Variants in GDAP2 observed in about 807,000 individuals in gnomAD.
GDAP2 encodes ganglioside-induced differentiation-associated protein 2.
A neutral mutation model predicts 67.0 loss-of-function variants in GDAP2; 51 were observed. The observed-to-expected ratio is 0.76, with a 90% CI of 0.61 to 0.96. The LOEUF is 0.96. Among genes scored for constraint, GDAP2 ranks in the 40% least tolerant of loss-of-function variants. The pLI, the probability that GDAP2 is intolerant of heterozygous loss-of-function variation, is 0.00. For synonymous variants in GDAP2, 203 were observed against 207.3 expected (o/e 0.98, Z 0.18); for missense variants, 547 against 588.3 (o/e 0.93, Z 0.73).
intron 8 of GDAP2, among the ~76,000 whole-genome samples, chr1:117,888,344 A>C (rs1192584465): frequency 6.6e-6 from 1 of 152,180 alleles, no homozygotes. Context: ...TTTAATCATC[A>C]GTTAGTCAAA....
chr1:117,923,340 T>A (rs1650327308), intron 1 of GDAP2, among the ~76,000 whole-genome samples: 1 of 152,180 alleles, frequency 6.6e-6, no homozygotes, highest in Non-Finnish European at 1.5e-5. Flanking sequence ...GTGATAAATG[T>A]CCATGAAATC....
chr1:117,928,907 A>G (rs1348302572), intron 1 of GDAP2, among the ~76,000 whole-genome samples: 1 of 152,210 alleles, frequency 6.6e-6, no homozygotes, highest in African/African-American at 2.4e-5. Context: ...AGAGCACTTA[A>G]GTCTCAGTGA....
chr1:117,883,642 G>A lies in GDAP2; in HGVS notation c.1108-15C>T, dbSNP rs1648747886. The stretch of plus-strand genomic sequence containing the variant: ...TATAAGAGAGCCTAAAAGATAAAAG[G>A]GGAATAAAGGTGAAGATCATTTTGA... On this transcript the variant is annotated splice_polypyrimidine_tract_variant and intron_variant, in intron 10 of 13. Coordinates refer to ENST00000369443, the MANE Select transcript of GDAP2 (RefSeq NM_017686.4). The A allele has an allele frequency of 6.3e-7, 1 of 1,578,912 alleles. No homozygotes were observed.
chr1:117,904,117 G>C (rs1261471014), intron 6 of GDAP2, among the ~76,000 whole-genome samples: 2 of 151,798 alleles, frequency 1.3e-5, no homozygotes, highest in Non-Finnish European at 2.9e-5. Flanking sequence ...CTCCCTAGTA[G>C]CTGGGATTAC....
chr1:117,893,706 T>C (rs1401560236), intron 8 of GDAP2, among the ~76,000 whole-genome samples: 3 of 152,180 alleles, frequency 2.0e-5, no homozygotes, highest in African/African-American at 7.2e-5. Context: ...ACAGTTGACA[T>C]AGCTTAGTTA....
At chr1:117,871,818 T>TA (rs1308919230) in intron 13 of GDAP2, among the ~76,000 whole-genome samples, 2 of 151,926 alleles carry the variant, frequency 1.3e-5, no homozygotes, top group African/African-American at 4.8e-5. Context: ...AAAACCTTAA[T>TA]AAAACCTTTT....
chr1:117,865,452 G>T lies in GDAP2; in HGVS notation c.*5117C>A, dbSNP rs1264774349. ...CAAATTGTAAGATCTGTCAATTTAAGCATTTTTAGGTTTCCTTCGCCCAAT... is the reference window on the plus strand; with the variant it reads ...CAAATTGTAAGATCTGTCAATTTAATCATTTTTAGGTTTCCTTCGCCCAAT... On this transcript the variant is annotated 3_prime_UTR_variant, in exon 14 of 14. Coordinates refer to ENST00000369443, the MANE Select transcript of GDAP2 (RefSeq NM_017686.4). The T allele has an allele frequency of 6.6e-6, 1 of 152,106 alleles. No individual in the cohort carries two copies. The highest frequency in any genetic ancestry group is 1.5e-5 in the Non-Finnish European group (1 of 68,002). 9.4% of individuals were successfully genotyped at this position (152,106 alleles called of 1,614,324 possible).
Position 117,887,778 on chromosome 1 carries a change from G to A in GDAP2, c.954-4C>T. The A allele has an allele frequency of 6.7e-7, 1 of 1,487,988 alleles. No homozygotes were observed. Among genetic ancestry groups the A allele is most frequent in the South Asian group, 1.1e-5 (1 of 87,954 alleles). 92.2% of individuals were successfully genotyped at this position (1,487,988 alleles called of 1,614,324 possible). Reference sequence around the variant, plus strand: ...TTGACATAACCAGCGATTATAACTAGGGAAATAAATGATATAATCATTATA... The same window carrying A: ...TTGACATAACCAGCGATTATAACTAAGGAAATAAATGATATAATCATTATA... On this transcript the variant is annotated splice_region_variant and splice_polypyrimidine_tract_variant and intron_variant, in intron 8 of 13. Coordinates refer to ENST00000369443, the MANE Select transcript of GDAP2 (RefSeq NM_017686.4).
rs372935828 is a variant in GDAP2 at position 117,903,112 on chromosome 1, C to T, written c.636+3394G>A. Among the ~76,000 whole-genome samples, 41 of 151,864 alleles carry T rather than the reference C, an allele frequency of 2.7e-4. No homozygotes were observed. The East Asian group carries it at 3.7e-3, about 14-fold the overall frequency. Reference sequence around the variant, plus strand: ...ATACAATTTATTTTTGCATATTGATCTTATGTCCTGTAACCCCACTGGAAC... The same window carrying T: ...ATACAATTTATTTTTGCATATTGATTTTATGTCCTGTAACCCCACTGGAAC... On this transcript the variant is annotated intron_variant, in intron 6 of 13. Coordinates refer to ENST00000369443, the MANE Select transcript of GDAP2 (RefSeq NM_017686.4).
rs1648026259 is a variant in GDAP2, at chr1:117,865,503, T to C, written c.*5066A>G. ...ACCAATTAAAATCATTTATATATGT[T>C]AAGCTCTTAAATATTTAGCTCACAA... is the stretch of plus-strand genomic sequence containing the variant. On this transcript the variant is annotated 3_prime_UTR_variant, in exon 14 of 14. Transcript: ENST00000369443. 6.6e-6 allele frequency: 1 copy of C among 152,220 alleles called. No individual in the cohort carries two copies. Among genetic ancestry groups the C allele is most frequent in the Non-Finnish European group, 1.5e-5 (1 of 68,040 alleles). The allele number at this position is 152,220 out of a possible 1,614,324, so 9.4% of individuals were successfully genotyped here.
chr1:117,925,184 G>C (rs1557812763), intron 1 of GDAP2, among the ~76,000 whole-genome samples: 1 of 152,170 alleles, frequency 6.6e-6, no homozygotes, highest in Admixed American at 6.5e-5. Flanking sequence ...TGGACGCAGT[G>C]GCTCACACCT....
At chr1:117,891,852 T>G (rs1374112241) in intron 8 of GDAP2, among the ~76,000 whole-genome samples, 1 of 152,164 alleles carries the variant, frequency 6.6e-6, no homozygotes, top group Non-Finnish European at 1.5e-5. Flanking sequence ...GTTTCAGAAT[T>G]TTTAAAAATT....
At chr1:117,901,600 T>C (rs1649471250) in intron 6 of GDAP2, among the ~76,000 whole-genome samples, 1 of 152,264 alleles carries the variant, frequency 6.6e-6, no homozygotes, top group Admixed American at 6.5e-5. Context: ...TTTTGACTTG[T>C]ATTTCTCTAA....
Position 117,927,853 on chromosome 1 carries a change from C to T in GDAP2, c.-68+1595G>A, listed in dbSNP as rs550880475. Among the ~76,000 whole-genome samples, 7 of 152,206 alleles carry T rather than the reference C, an allele frequency of 4.6e-5. No individual in the cohort carries two copies. The South Asian group carries it at 1.2e-3, about 27-fold the overall frequency. On this transcript the variant is annotated intron_variant, in intron 1 of 13. Transcript: ENST00000369443. ...TCCTAACAGTAAATTAGTAGTACCC[C>T]TTCATATTAAATGAACTGCACTATG...
At position 117,920,276 on chromosome 1, in the gene GDAP2, T is replaced by G; in HGVS notation, c.82A>C (p.Asn28His). The G allele has an allele frequency of 6.2e-7, 1 of 1,609,088 alleles. No individual in the cohort carries two copies. The highest frequency in any genetic ancestry group is 8.5e-7 in the Non-Finnish European group (1 of 1,175,670). Residue 28 changes from asparagine (N) to histidine (H), a missense_variant, in exon 2 of 14, where the codon AAT becomes CAT. Physicochemically the swap from Asn to His is moderately conservative, Grantham distance 68. Coordinates refer to ENST00000369443, the MANE Select transcript of GDAP2 (RefSeq NM_017686.4). ...ATTTCAGCTGTAGTATCAGAGGAAT[T>G]TAATTCATCTTGGCATGAGTCACCC... ...SWGDSCQDELNSSDTTAEIFQ... is the reference protein window; with the variant it reads ...SWGDSCQDELHSSDTTAEIFQ...
chr1:117,922,679 G>T (rs1650299464), intron 1 of GDAP2, among the ~76,000 whole-genome samples: 1 of 152,168 alleles, frequency 6.6e-6, no homozygotes, highest in Admixed American at 6.5e-5. Flanking sequence ...AAAGGGGAGG[G>T]ATTGTACGAA....
At position 117,865,908 on chromosome 1, in the gene GDAP2, C is replaced by T. The variant is rs1003412460; in HGVS notation, c.*4661G>A. On this transcript the variant is annotated 3_prime_UTR_variant, in exon 14 of 14. Transcript: ENST00000369443. ...AAAGATTGAACTAGGTTATTTATTGCTCTATGTTCTCTACATATGGACCAC... is the reference window on the plus strand; with the variant it reads ...AAAGATTGAACTAGGTTATTTATTGTTCTATGTTCTCTACATATGGACCAC... The T allele has an allele frequency of 6.6e-6, 1 of 152,180 alleles. No homozygotes were observed. Among genetic ancestry groups the T allele is most frequent in the African/African-American group, 2.4e-5 (1 of 41,440 alleles). 9.4% of individuals were successfully genotyped at this position (152,180 alleles called of 1,614,324 possible). A position where few individuals can be genotyped will look rare whatever the true frequency, so the allele number is the denominator to read the frequency against.
intron 2 of GDAP2, among the ~76,000 whole-genome samples, chr1:117,919,336 T>C (rs1284893404): frequency 1.3e-5 from 2 of 148,868 alleles, no homozygotes; most frequent in Non-Finnish European, 3.0e-5. Flanking sequence ...ATCACGCCAC[T>C]GCACTCCAGC....
At chr1:117,883,236 T>C (rs552459113) in intron 11 of GDAP2, 44 of 364,170 alleles carry the variant, frequency 1.2e-4, no homozygotes, top group East Asian at 1.0e-3. Flanking sequence ...ATCATATAAA[T>C]AGAAGGTAGT....
Sources: allele counts gnomAD v4.1 joint callset (sites outside exome capture counted in the v4.1 genomes callset), GRCh38; gene constraint gnomAD v4.1.1; transcripts MANE v1.5; gene names NCBI Gene and HGNC (gene_info 2026-07-23, HGNC 2026-07-21).